The following LRP6 variants were observed in gnomAD, a reference collection of about 807,000 sequenced individuals.
The protein encoded by LRP6 is LDL receptor related protein 6, also known as low-density lipoprotein receptor-related protein 6.
In LRP6, 43 loss-of-function variants were observed where a neutral mutation model predicts 184.1. The ratio of observed to expected loss-of-function variants is 0.23; its 90% CI spans 0.18 to 0.30. The LOEUF is 0.30. Ranked by LOEUF, LRP6 falls within the 10% of genes least tolerant of loss-of-function variation. LRP6 has a pLI of 1.00. For missense variants in LRP6, 1,571 were observed against 2,005.3 expected, an observed-to-expected ratio of 0.78 and a Z score of 4.14; for synonymous variants, 719 against 684.9, an observed-to-expected ratio of 1.05 and a Z score of -0.78.
chr12:12,251,527 C>T (rs1408911290), intron 1 of LRP6, among the ~76,000 whole-genome samples: 2 of 151,942 alleles, frequency 1.3e-5, no homozygotes, highest in Non-Finnish European at 2.9e-5. Flanking sequence ...CCACGCACGG[C>T]TAATTTTTTT....
At chr12:12,232,235 T>C (rs188739357) in intron 2 of LRP6, among the ~76,000 whole-genome samples, 486 of 151,762 alleles carry the variant, frequency 3.2e-3, no homozygotes, top group Middle Eastern at 0.01. Flanking sequence ...ATACAAAAAA[T>C]TAGCCGGGCA....
chr12:12,179,409 T>C (rs920608027), intron 7 of LRP6, among the ~76,000 whole-genome samples: 4 of 121,232 alleles, frequency 3.3e-5, no homozygotes, highest in East Asian at 1.9e-4. Context: ...GATATAGATA[T>C]AGATATAGAT....
intron 2 of LRP6, among the ~76,000 whole-genome samples, chr12:12,211,602 A>G (rs943787194): frequency 6.6e-6 from 1 of 152,170 alleles, no homozygotes; most frequent in African/African-American, 2.4e-5. Flanking sequence ...CTGTCCCTCA[A>G]TAGGGATAAT....
intron 22 of LRP6, among the ~76,000 whole-genome samples, chr12:12,123,149 G>A (rs1350618868): frequency 1.3e-5 from 2 of 152,104 alleles, no homozygotes; most frequent in Non-Finnish European, 2.9e-5. Flanking sequence ...AACAGAAATT[G>A]GGCTTATACG....
chr12:12,257,286 A>G (rs896560885), intron 1 of LRP6, among the ~76,000 whole-genome samples: 1 of 152,182 alleles, frequency 6.6e-6, no homozygotes, highest in African/African-American at 2.4e-5. Context: ...GGTTTAAAAA[A>G]GTACTTGACA....
chr12:12,180,082 C>A (rs1257992892), intron 6 of LRP6, 101 bp from the exon 7 acceptor site: 4 of 869,328 alleles, frequency 4.6e-6, no homozygotes, highest in African/African-American at 3.4e-5. Flanking sequence ...CTGGTATCAT[C>A]AGTTAATGCC....
intron 3 of LRP6, 58 bp downstream of exon 3, chr12:12,203,145 A>G: frequency 2.5e-6 from 3 of 1,216,862 alleles, no homozygotes; most frequent in Non-Finnish European, 3.5e-6. Context: ...AGGCTTTGTA[A>G]TGTATCAAGG....
chr12:12,163,314 C>A (rs1403126341), intron 9 of LRP6, among the ~76,000 whole-genome samples: 2 of 151,992 alleles, frequency 1.3e-5, no homozygotes, highest in East Asian at 1.9e-4. Context: ...TAGAACATCA[C>A]CCAATGCAAA....
intron 7 of LRP6, among the ~76,000 whole-genome samples, chr12:12,171,339 ACT>A (rs1374656834): frequency 2.0e-5 from 3 of 152,036 alleles, no homozygotes; most frequent in Non-Finnish European, 4.4e-5. Context: ...ACATGGTGAA[ACT>A]CCATCTCTAC....
At chr12:12,251,089 C>T (rs573122587) in intron 1 of LRP6, among the ~76,000 whole-genome samples, 1 of 152,104 alleles carries the variant, frequency 6.6e-6, no homozygotes, top group Admixed American at 6.6e-5. Context: ...CGCCACCACA[C>T]CCAGCTAATT....
At chr12:12,214,860 A>G (rs1478994737) in intron 2 of LRP6, among the ~76,000 whole-genome samples, 1 of 152,226 alleles carries the variant, frequency 6.6e-6, no homozygotes, top group Non-Finnish European at 1.5e-5. Flanking sequence ...AATGACCTTC[A>G]GGCTGCTCAA....
At chr12:12,198,480 A>AT (rs1347523145) in intron 3 of LRP6, among the ~76,000 whole-genome samples, 1 of 141,126 alleles carries the variant, frequency 7.1e-6, no homozygotes, top group African/African-American at 2.6e-5. Flanking sequence ...TTCTGAAGTG[A>AT]TTTTTTAAAT....
chr12:12,132,322 T>C (rs1353080285), intron 17 of LRP6, among the ~76,000 whole-genome samples: 3 of 152,196 alleles, frequency 2.0e-5, no homozygotes, highest in African/African-American at 7.2e-5. Flanking sequence ...GATTGTAATA[T>C]TTGCAATCCG....
intron 15 of LRP6, among the ~76,000 whole-genome samples, chr12:12,141,122 GGAA>G (rs1422603082): frequency 2.0e-5 from 3 of 151,186 alleles, no homozygotes; most frequent in African/African-American, 4.9e-5. Flanking sequence ...GGACTAGAAA[GGAA>G]GAAGAAGGGA....
intron 2 of LRP6, among the ~76,000 whole-genome samples, chr12:12,236,591 G>C (rs541045245): frequency 1.3e-5 from 2 of 152,176 alleles, no homozygotes; most frequent in East Asian, 3.9e-4. Context: ...TCCCAGTAAC[G>C]GGCTCGGTCC....
At chr12:12,240,316 G>T (rs892132325) in intron 2 of LRP6, among the ~76,000 whole-genome samples, 2 of 152,192 alleles carry the variant, frequency 1.3e-5, no homozygotes, top group Non-Finnish European at 2.9e-5. Flanking sequence ...GCTCACGCCT[G>T]TAATGCCAGC....
intron 2 of LRP6, among the ~76,000 whole-genome samples, chr12:12,218,601 A>T (rs919057469): frequency 9.9e-5 from 15 of 152,174 alleles, no homozygotes; most frequent in African/African-American, 3.4e-4. Flanking sequence ...ATCAGTCAGT[A>T]AGGAAATGTA....
At chr12:12,207,957 A>T in intron 2 of LRP6, among the ~76,000 whole-genome samples, 1 of 152,316 alleles carries the variant, frequency 6.6e-6, no homozygotes, top group Non-Finnish European at 1.5e-5. Flanking sequence ...GAAATATTTT[A>T]AAAGGAAAAC....
intron 7 of LRP6, among the ~76,000 whole-genome samples, chr12:12,177,065 C>G (rs1250380619): frequency 2.6e-5 from 4 of 152,058 alleles, no homozygotes; most frequent in Non-Finnish European, 5.9e-5. Context: ...CCAGGCTGGT[C>G]TCGAACTCCT....
Sources: allele counts gnomAD v4.1 joint callset (sites outside exome capture counted in the v4.1 genomes callset), GRCh38; gene constraint gnomAD v4.1.1; transcripts MANE v1.5; gene names NCBI Gene and HGNC (gene_info 2026-07-23, HGNC 2026-07-21).